The following RHBDF1 variants were observed in gnomAD, a reference collection of about 807,000 sequenced individuals.
The protein encoded by RHBDF1 is rhomboid 5 homolog 1.
Under a neutral mutation model 98.6 loss-of-function variants are expected in RHBDF1, and 80 were observed. The ratio of observed to expected loss-of-function variants is 0.81; its 90% CI spans 0.68 to 0.98. RHBDF1 has a LOEUF of 0.98. Among genes scored for constraint, RHBDF1 ranks in the 50% least tolerant of loss-of-function variants. RHBDF1 has a pLI of 0.00. For synonymous variants in RHBDF1, 512 were observed against 486.8 expected (o/e 1.05, Z -0.68); for missense variants, 1,116 against 1,198.3 (o/e 0.93, Z 1.01).
intron 7 of RHBDF1, 122 bp downstream of exon 7, chr16:62,416 G>A (rs1171067752): frequency 2.4e-5 from 32 of 1,329,464 alleles, no homozygotes; most frequent in Non-Finnish European, 3.2e-5. Flanking sequence ...TGAGTAGTGA[G>A]TTCCCAGTCC....
At chr16:67,594 C>T (rs1056539941) in intron 1 of RHBDF1, among the ~76,000 whole-genome samples, 1 of 152,248 alleles carries the variant, frequency 6.6e-6, no homozygotes, top group Non-Finnish European at 1.5e-5. Context: ...TCTGCCCACC[C>T]TCCCCTGTGT....
At chr16:74,474 G>A (rs952594705), upstream of RHBDF1, among the ~76,000 whole-genome samples, 3 of 152,048 alleles carry the variant, frequency 2.0e-5, no homozygotes, top group Non-Finnish European at 4.4e-5. Flanking sequence ...AGTCACAGCT[G>A]GCTCAGAGCT....
upstream of RHBDF1, among the ~76,000 whole-genome samples, chr16:73,071 T>A (rs1898019704): frequency 1.3e-5 from 2 of 152,242 alleles, no homozygotes; most frequent in African/African-American, 4.8e-5. Context: ...CACTAAGCAC[T>A]CACATTCCCT....
Position 62,823 on chromosome 16 carries a change from C to T in RHBDF1, c.747G>A (p.Glu249=). The change falls in exon 6 of 18, where the codon GAG becomes GAA. Residue 249 remains glutamate, a synonymous_variant. Coordinates refer to ENST00000262316, the MANE Select transcript of RHBDF1 (RefSeq NM_022450.5). The stretch of plus-strand genomic sequence containing the variant: ...GCTCATCGGGGAAATCAGTTGTGTC[C>T]TCCTCCAGAAAGCTAGCTGGAGTGA... ...RSFTPASFLE[E]DTTDFPDELD... The T allele has an allele frequency of 3.7e-6, 6 of 1,614,056 alleles. No homozygotes were observed. Among genetic ancestry groups the T allele is most frequent in the Non-Finnish European group, 5.1e-6 (6 of 1,180,030 alleles).
chr16:70,425 A>G (rs1481084573), intron 1 of RHBDF1, among the ~76,000 whole-genome samples: 1 of 152,092 alleles, frequency 6.6e-6, no homozygotes, highest in Non-Finnish European at 1.5e-5. Context: ...ACACACATGC[A>G]CCCAGGTGCC....
intron 1 of RHBDF1, among the ~76,000 whole-genome samples, chr16:69,581 C>G (rs1159438118): frequency 6.6e-6 from 1 of 152,082 alleles, no homozygotes; most frequent in Non-Finnish European, 1.5e-5. Flanking sequence ...TCCTAGATCT[C>G]CCTTGAGAAG....
At chr16:60,612 G>A (rs1897574512) in intron 11 of RHBDF1, 73 bp from the exon 12 acceptor site, 17 of 1,142,848 alleles carry the variant, frequency 1.5e-5, no homozygotes, top group Admixed American at 3.6e-5. Context: ...GTCAGGAGTC[G>A]AAGGCAAAAC....
chr16:68,186 C>A (rs770769911), intron 1 of RHBDF1, among the ~76,000 whole-genome samples: 1 of 152,182 alleles, frequency 6.6e-6, no homozygotes, highest in Non-Finnish European at 1.5e-5. Flanking sequence ...ACCCCCACTG[C>A]TAGGAGTGCA....
chr16:72,659 G>A (rs1338612139), upstream of RHBDF1: 2 of 980,182 alleles, frequency 2.0e-6, no homozygotes, highest in African/African-American at 3.5e-5. Context: ...GCGCCCGGGG[G>A]CGGGCCCGGC....
intron 11 of RHBDF1, 76 bp from the exon 12 acceptor site, chr16:60,615 G>A: frequency 1.9e-6 from 2 of 1,075,404 alleles, no homozygotes; most frequent in Non-Finnish European, 2.8e-6. Context: ...AGGAGTCGAA[G>A]GCAAAACCAC....
Position 63,829 on chromosome 16 carries a change from G to A in RHBDF1, c.249-29C>T, listed in dbSNP as rs201540564. 1.5e-4 allele frequency: 239 copies of A among 1,596,156 alleles called. 1 individual carries two copies. The East Asian group carries it at 3.3e-3, about 22-fold the overall frequency. ...GCATGGCAGGGACTCAGCAAGGGGC[G>A]GCCAGATCGCCCCTCCCAGGCAGGG... On this transcript the variant is annotated intron_variant, in intron 3 of 17. Coordinates refer to ENST00000262316, the MANE Select transcript of RHBDF1 (RefSeq NM_022450.5).
At chr16:60,009 C>T in intron 13 of RHBDF1, 183 bp from the exon 14 acceptor site, 2 of 1,474,334 alleles carry the variant, frequency 1.4e-6, no homozygotes, top group African/African-American at 1.4e-5. Context: ...CTTGACCTTT[C>T]AAGTCTCCAT....
At chr16:70,336 C>A (rs216614) in intron 1 of RHBDF1, among the ~76,000 whole-genome samples, 11,117 of 152,242 alleles carry the variant, frequency 0.073, 795 homozygotes, top group South Asian at 0.17. Context: ...CCCACATCCC[C>A]TGCACACGTC....
intron 1 of RHBDF1, among the ~76,000 whole-genome samples, chr16:70,517 G>T (rs146677764): frequency 1.3e-5 from 2 of 152,342 alleles, no homozygotes; most frequent in East Asian, 3.9e-4. Flanking sequence ...GGCCACAGGA[G>T]GGAAACCAAG....
In RHBDF1 at chr16:59,244, C is replaced by T; in HGVS notation, c.1994+5G>A. ...ACCCCCGACCCGGCCCACAGTGTCA[C>T]TTGCCCGGCGTGCAGGAAGAGGGAT... On this transcript the variant is annotated splice_donor_5th_base_variant and intron_variant, in intron 16 of 17. Coordinates refer to ENST00000262316, the MANE Select transcript of RHBDF1 (RefSeq NM_022450.5). 6.3e-7 allele frequency: 1 copy of T among 1,597,860 alleles called. No homozygotes were observed.
chr16:66,198 T>C (rs866034096), intron 1 of RHBDF1, among the ~76,000 whole-genome samples: 4 of 152,156 alleles, frequency 2.6e-5, no homozygotes, highest in Non-Finnish European at 5.9e-5. Flanking sequence ...AAACCCCAAA[T>C]TCCTCAGCCT....
intron 3 of RHBDF1, chr16:64,494 T>G: frequency 6.5e-7 from 1 of 1,530,678 alleles, no homozygotes. Context: ...GAGTGAGTGC[T>G]GAAGAGAAGG....
chr16:62,909 G>C lies in RHBDF1; in HGVS notation c.673-12C>G, dbSNP rs199610665. The C allele has an allele frequency of 1.9e-6, 3 of 1,613,414 alleles. No individual in the cohort carries two copies. The highest frequency in any genetic ancestry group is 2.5e-6 in the Non-Finnish European group (3 of 1,179,910). Reference sequence around the variant, plus strand: ...CTAACGGAGCGGCCCTGGGGACGGGGAAGTGAGCATGAGACCCGGCTGCTG... The same window carrying C: ...CTAACGGAGCGGCCCTGGGGACGGGCAAGTGAGCATGAGACCCGGCTGCTG... On this transcript the variant is annotated splice_polypyrimidine_tract_variant and intron_variant, in intron 5 of 17. Transcript: ENST00000262316.
upstream of RHBDF1, among the ~76,000 whole-genome samples, chr16:74,340 C>T (rs1451706118): frequency 2.6e-5 from 4 of 152,240 alleles, no homozygotes; most frequent in East Asian, 7.7e-4. Flanking sequence ...ACTGGGCTTG[C>T]CTCCAAAGCA....
Sources: gnomAD v4.1 joint callset for allele counts (sites outside exome capture counted in the v4.1 genomes callset) on GRCh38, gnomAD v4.1.1 for gene constraint, MANE v1.5 for transcripts, NCBI Gene and HGNC (gene_info 2026-07-23, HGNC 2026-07-21) for gene names.